The following SLC39A11 variants were observed in gnomAD, a reference collection of about 807,000 sequenced individuals.
SLC39A11 encodes solute carrier family 39 member 11.
SLC39A11 carries 33 observed loss-of-function variants against 36.1 expected under a neutral mutation model. The observed-to-expected ratio is 0.91, with a 90% CI of 0.69 to 1.22. SLC39A11 has a LOEUF of 1.22. Ranked by LOEUF, SLC39A11 falls within the 50% of genes most tolerant of loss-of-function variation. SLC39A11 has a pLI of 0.00. For synonymous variants in SLC39A11, 166 were observed against 170.3 expected, an observed-to-expected ratio of 0.97 and a Z score of 0.20; for missense variants, 432 against 430.3, an observed-to-expected ratio of 1.00 and a Z score of -0.03.
Position 73,001,190 on chromosome 17 carries a change from T to C in SLC39A11, c.306+30366A>G, listed in dbSNP as rs1348966164. On this transcript the variant is annotated intron_variant, in intron 4 of 9. Transcript: ENST00000255559. The stretch of plus-strand genomic sequence containing the variant: ...CCTCATCCCGAGCAGTGGTAGCTGC[T>C]TTCTATAGTTGCTACCTTTGTGATA... 2.6e-5 allele frequency among the ~76,000 whole-genome samples: 4 copies of C among 152,124 alleles called. No individual in the cohort carries two copies. The East Asian group carries it at 5.8e-4, about 22-fold the overall frequency.
At chr17:72,740,070 T>C (rs2074614239) in intron 6 of SLC39A11, among the ~76,000 whole-genome samples, 1 of 134,610 alleles carries the variant, frequency 7.4e-6, no homozygotes, top group Non-Finnish European at 1.6e-5. Context: ...TTTTTTTTTT[T>C]TTTTTTTTTT....
intron 7 of SLC39A11, among the ~76,000 whole-genome samples, chr17:72,699,129 G>A (rs936305942): frequency 2.0e-5 from 3 of 152,104 alleles, no homozygotes; most frequent in African/African-American, 2.4e-5. Context: ...GCGCCTGGCC[G>A]GAGGTTGGTT....
At chr17:72,735,606 C>T (rs1019086052) in intron 7 of SLC39A11, among the ~76,000 whole-genome samples, 5 of 152,124 alleles carry the variant, frequency 3.3e-5, no homozygotes, top group Non-Finnish European at 4.4e-5. Flanking sequence ...TTAGATAGTG[C>T]GCGTGCTGTT....
intron 5 of SLC39A11, among the ~76,000 whole-genome samples, chr17:72,876,838 G>A (rs1245873256): frequency 6.6e-6 from 1 of 152,206 alleles, no homozygotes; most frequent in Non-Finnish European, 1.5e-5. Flanking sequence ...TTTCCTGGCA[G>A]TACCCACTGT....
chr17:72,935,246 A>C (rs2084672299), intron 5 of SLC39A11, among the ~76,000 whole-genome samples: 1 of 152,248 alleles, frequency 6.6e-6, no homozygotes, highest in Non-Finnish European at 1.5e-5. Flanking sequence ...CATGACGCCA[A>C]GTAGAAAGAA....
At chr17:72,961,152 G>T (rs1300013261) in intron 4 of SLC39A11, among the ~76,000 whole-genome samples, 1 of 152,160 alleles carries the variant, frequency 6.6e-6, no homozygotes, top group Non-Finnish European at 1.5e-5. Flanking sequence ...TGAGACCTCC[G>T]AGTATTAGGA....
intron 6 of SLC39A11, among the ~76,000 whole-genome samples, chr17:72,793,207 G>C (rs923465924): frequency 6.6e-6 from 1 of 152,130 alleles, no homozygotes; most frequent in Non-Finnish European, 1.5e-5. Flanking sequence ...CAAAGCACCA[G>C]ACAAAGGCTA....
At chr17:72,724,847 C>A (rs1253923150) in intron 7 of SLC39A11, among the ~76,000 whole-genome samples, 1 of 151,908 alleles carries the variant, frequency 6.6e-6, no homozygotes, top group Non-Finnish European at 1.5e-5. Context: ...CTTTCAAAGT[C>A]ATGTCCAGCC....
intron 6 of SLC39A11, chr17:72,817,742 G>A (rs1287216195): frequency 1.3e-5 from 2 of 152,134 alleles, no homozygotes; most frequent in African/African-American, 2.4e-5. Flanking sequence ...TTCCAGCCTG[G>A]GAGTAAACAT....
At chr17:73,054,368 C>A (rs575663224) in intron 3 of SLC39A11, among the ~76,000 whole-genome samples, 16,103 of 144,714 alleles carry the variant, frequency 0.11, 1,036 homozygotes, top group Non-Finnish European at 0.15. Context: ...TCGAAAAAAA[C>A]AAAAAAACAA....
At chr17:72,845,049 G>T (rs9915749) in intron 6 of SLC39A11, among the ~76,000 whole-genome samples, 6,150 of 152,180 alleles carry the variant, frequency 0.04, 410 homozygotes, top group African/African-American at 0.14. Context: ...CATCCAGCAC[G>T]ACCACCTTGG....
chr17:72,909,890 C>T (rs532151056), intron 5 of SLC39A11, among the ~76,000 whole-genome samples: 62 of 151,622 alleles, frequency 4.1e-4, no homozygotes, highest in African/African-American at 1.3e-3. Context: ...GGACTCCAGG[C>T]GCCCGCCATT....
intron 4 of SLC39A11, among the ~76,000 whole-genome samples, chr17:72,955,973 A>T (rs2086227863): frequency 6.6e-6 from 1 of 152,076 alleles, no homozygotes; most frequent in Admixed American, 6.5e-5. Context: ...CTGCGACCAC[A>T]TGAGGACGGG....
intron 6 of SLC39A11, among the ~76,000 whole-genome samples, chr17:72,829,640 G>C (rs2078184280): frequency 6.6e-6 from 1 of 152,152 alleles, no homozygotes; most frequent in South Asian, 2.1e-4. Context: ...GTACATGTCT[G>C]GGATTCCGGA....
intron 6 of SLC39A11, among the ~76,000 whole-genome samples, chr17:72,834,838 G>T (rs537947115): frequency 9.8e-5 from 15 of 152,290 alleles, no homozygotes; most frequent in African/African-American, 3.6e-4. Context: ...ACGTGGAAAT[G>T]AGTCTTGATT....
intron 3 of SLC39A11, among the ~76,000 whole-genome samples, chr17:73,049,460 A>C (rs2059424962): frequency 6.6e-6 from 1 of 152,238 alleles, no homozygotes; most frequent in Non-Finnish European, 1.5e-5. Context: ...GGCAGGGCAC[A>C]GGTATATGTG....
At chr17:72,925,001 CAAAAAAAAA>C (rs933053304) in intron 5 of SLC39A11, among the ~76,000 whole-genome samples, 4 of 68,954 alleles carry the variant, frequency 5.8e-5, no homozygotes, top group Non-Finnish European at 1.3e-4. Context: ...GACTCCATTT[CAAAAAAAAA>C]AAAAAAAAAA....
intron 3 of SLC39A11, among the ~76,000 whole-genome samples, chr17:73,062,475 A>AAAAGAAAAAAAAAAAAAAAC (rs56021607): frequency 1.1e-5 from 1 of 87,034 alleles, no homozygotes; most frequent in Non-Finnish European, 2.1e-5. Context: ...AAAAAAAAAA[A>AAAAGAAAAAAAAAAAAAAAC]AAACTTTAGG....
At chr17:72,765,515 T>C (rs1394055258) in intron 6 of SLC39A11, among the ~76,000 whole-genome samples, 3 of 152,202 alleles carry the variant, frequency 2.0e-5, no homozygotes, top group Non-Finnish European at 4.4e-5. Context: ...TCTTGATAAA[T>C]TGGCTTTATC....
Sources: gnomAD v4.1 joint callset for allele counts (sites outside exome capture counted in the v4.1 genomes callset) on GRCh38, gnomAD v4.1.1 for gene constraint, MANE v1.5 for transcripts, NCBI Gene and HGNC (gene_info 2026-07-23, HGNC 2026-07-21) for gene names.